The following LARGE1 variants were observed in gnomAD, a reference collection of about 807,000 sequenced individuals.
The protein encoded by LARGE1 is xylosyl- and glucuronyltransferase LARGE1.
In LARGE1, 43 loss-of-function variants were observed where a neutral mutation model predicts 87.6. The ratio of observed to expected loss-of-function variants is 0.49; its 90% CI spans 0.38 to 0.63. The LOEUF (loss-of-function observed/expected upper bound fraction) is 0.63, where lower values mean the gene tolerates loss of function less well. Among genes scored for constraint, LARGE1 ranks in the 30% least tolerant of loss-of-function variants. The probability of loss-of-function intolerance (pLI) is 0.00; values close to 1 mark genes in which losing one functional copy is unlikely to be tolerated. For synonymous variants in LARGE1, 434 were observed against 394.6 expected, an observed-to-expected ratio of 1.10 and a Z score of -1.18; for missense variants, 802 against 1,000.2, an observed-to-expected ratio of 0.80 and a Z score of 2.67.
chr22:33,722,296 GGAGGGA>G (rs2083127167), intron 2 of LARGE1, among the ~76,000 whole-genome samples: 1 of 143,718 alleles, frequency 7.0e-6, no homozygotes, highest in African/African-American at 2.6e-5. Context: ...GAGAGGGAGA[GGAGGGA>G]GAGGGAGAGG....
At chr22:33,851,380 C>A (rs1220247751) in intron 1 of LARGE1, among the ~76,000 whole-genome samples, 1 of 152,238 alleles carries the variant, frequency 6.6e-6, no homozygotes, top group Non-Finnish European at 1.5e-5. Flanking sequence ...TACTTCGAGG[C>A]ACACTTACCC....
chr22:33,651,802 G>A (rs1339269936), intron 2 of LARGE1, among the ~76,000 whole-genome samples: 1 of 152,166 alleles, frequency 6.6e-6, no homozygotes, highest in East Asian at 1.9e-4. Context: ...CCATCTCATG[G>A]TTTTCCCAGA....
intron 2 of LARGE1, among the ~76,000 whole-genome samples, chr22:33,673,024 C>T (rs906891458): frequency 7.9e-5 from 12 of 152,066 alleles, no homozygotes; most frequent in African/African-American, 2.9e-4. Flanking sequence ...CTTGTAATCC[C>T]AGCACTTTGG....
At chr22:33,593,191 G>T (rs534249305) in intron 5 of LARGE1, among the ~76,000 whole-genome samples, 2 of 151,618 alleles carry the variant, frequency 1.3e-5, no homozygotes, top group Non-Finnish European at 2.9e-5. Context: ...TTGAGACCAG[G>T]TTATGAGACT....
intron 2 of LARGE1, among the ~76,000 whole-genome samples, chr22:33,675,959 C>G (rs146030796): frequency 7.6e-4 from 115 of 150,418 alleles, no homozygotes; most frequent in African/African-American, 2.7e-3. Flanking sequence ...CCAAAATCCA[C>G]GACATTTTCA....
chr22:33,507,457 G>A (rs5994760), intron 6 of LARGE1, among the ~76,000 whole-genome samples: 4 of 151,880 alleles, frequency 2.6e-5, no homozygotes, highest in African/African-American at 9.7e-5. Flanking sequence ...AAAAAAACCC[G>A]CAAACATCAT....
rs191424662 is a variant in LARGE1 at position 33,674,431 on chromosome 22, T to C, written c.107-23763A>G. On this transcript the variant is annotated intron_variant, in intron 2 of 14. Transcript: ENST00000397394. ...CACTCTTGCCTCCCAATCTATTCTC[T>C]GCACAGCGGGAGCTGTTCAAAATGC... is the stretch of plus-strand genomic sequence containing the variant. Among the ~76,000 whole-genome samples, 7 of 152,336 alleles carry C rather than the reference T, an allele frequency of 4.6e-5. No homozygotes were observed. In the East Asian group the frequency reaches 9.6e-4, roughly 21 times the overall value.
chr22:33,124,510 C>T, the LARGE1 span, among the ~76,000 whole-genome samples: 5 of 152,092 alleles, frequency 3.3e-5, no homozygotes, highest in South Asian at 4.1e-4. Context: ...GACCAATTTC[C>T]TCACCATCTC....
downstream of LARGE1, among the ~76,000 whole-genome samples, chr22:33,158,208 T>G (rs1921925924): frequency 4.6e-5 from 7 of 152,186 alleles, no homozygotes; most frequent in Admixed American, 4.6e-4. Context: ...AATTATACTG[T>G]GCTGAGTTGA....
chr22:33,613,244 A>G (rs2079491886), intron 4 of LARGE1, among the ~76,000 whole-genome samples: 1 of 152,176 alleles, frequency 6.6e-6, no homozygotes, highest in African/African-American at 2.4e-5. Context: ...CACTTTGGGT[A>G]CCATCATAAG....
chr22:33,694,923 T>G (rs938132299), intron 2 of LARGE1, among the ~76,000 whole-genome samples: 4 of 152,186 alleles, frequency 2.6e-5, no homozygotes, highest in Admixed American at 6.5e-5. Context: ...GTAAAAGAAA[T>G]AAATTAATTA....
At chr22:33,291,599 T>C (rs1932570389) in intron 12 of LARGE1, among the ~76,000 whole-genome samples, 2 of 152,002 alleles carry the variant, frequency 1.3e-5, no homozygotes, top group South Asian at 4.1e-4. Flanking sequence ...ATGCATAATG[T>C]ATTCATTACA....
At chr22:33,133,219 T>G in the LARGE1 span, among the ~76,000 whole-genome samples, 1 of 152,016 alleles carries the variant, frequency 6.6e-6, no homozygotes, top group Admixed American at 6.5e-5. Context: ...CTGGGGTATA[T>G]GTGCAGAACG....
the LARGE1 span, among the ~76,000 whole-genome samples, chr22:33,071,019 A>G: frequency 2.0e-5 from 3 of 152,146 alleles, no homozygotes; most frequent in African/African-American, 7.2e-5. Flanking sequence ...GAAATAAAAA[A>G]TTAAAAAAAA....
intron 5 of LARGE1, among the ~76,000 whole-genome samples, chr22:33,596,692 T>C (rs1375161434): frequency 6.6e-6 from 1 of 150,710 alleles, no homozygotes; most frequent in African/African-American, 2.5e-5. Flanking sequence ...AGGGTTGACA[T>C]GGTGGGCTTA....
upstream of LARGE1, among the ~76,000 whole-genome samples, chr22:33,921,191 C>T (rs2065940997): frequency 6.6e-6 from 1 of 152,032 alleles, no homozygotes; most frequent in Non-Finnish European, 1.5e-5. The surrounding 1 kb of genome is among the most constrained non-coding windows in gnomAD (Gnocchi z 4.1). Context: ...CTCCGCCCCC[C>T]GGCGAGACTC....
chr22:33,184,927 G>T lies in LARGE1; in HGVS notation c.1731-18095C>A, dbSNP rs549933231. Among the ~76,000 whole-genome samples, 159 of 152,236 alleles carry T rather than the reference G, an allele frequency of 1.0e-3. 1 individual carries two copies. Among genetic ancestry groups the T allele is most frequent in the African/African-American group, 3.7e-3 (155 of 41,564 alleles). ...CCATATCGAATGCAGACAAGGATGT[G>T]AAGCAACGGGAACTATTACTCATTG... is the stretch of plus-strand genomic sequence containing the variant. On this transcript the variant is annotated intron_variant, in intron 11 of 11. Coordinates refer to the LARGE1 transcript ENST00000608642.
the LARGE1 span, among the ~76,000 whole-genome samples, chr22:33,089,362 TCTTCTTCTC>T: frequency 0.055 from 4,323 of 77,924 alleles, 144 homozygotes; most frequent in East Asian, 0.13. Context: ...TTCTTCTTCT[TCTTCTTCTC>T]CTTCTTCTTC....
chr22:33,074,591 C>T, the LARGE1 span, among the ~76,000 whole-genome samples: 1 of 152,118 alleles, frequency 6.6e-6, no homozygotes, highest in Non-Finnish European at 1.5e-5. Context: ...CAGAGAATTG[C>T]TTGAACCAGG....
Sources: allele counts gnomAD v4.1 joint callset (sites outside exome capture counted in the v4.1 genomes callset), GRCh38; gene constraint gnomAD v4.1.1; non-coding constraint Gnocchi (gnomAD v3.1); transcripts MANE v1.5; gene names NCBI Gene and HGNC (gene_info 2026-07-23, HGNC 2026-07-21).